CNTN5: variants seen among roughly 807,000 people sequenced by gnomAD.
The protein encoded by CNTN5 is contactin-5.
In CNTN5, 77 loss-of-function variants were observed where a neutral mutation model predicts 129.1. The ratio of observed to expected loss-of-function variants is 0.60; its 90% CI spans 0.50 to 0.72. CNTN5 has a LOEUF of 0.72. Ranked by LOEUF, CNTN5 falls within the 30% of genes least tolerant of loss-of-function variation. The pLI is 0.00. For synonymous variants in CNTN5, 509 were observed against 465.6 expected (o/e 1.09, Z -1.20); for missense variants, 1,478 against 1,328.8 (o/e 1.11, Z -1.75).
chr11:99,789,802 A>G (rs1353684241), intron 3 of CNTN5, among the ~76,000 whole-genome samples: 1 of 151,902 alleles, frequency 6.6e-6, no homozygotes, highest in Non-Finnish European at 1.5e-5. Context: ...GATTCATGGG[A>G]TATATGCGCA....
chr11:99,521,814 C>T (rs972439930), intron 2 of CNTN5, among the ~76,000 whole-genome samples: 16 of 152,246 alleles, frequency 1.1e-4, no homozygotes, highest in African/African-American at 3.9e-4. Context: ...TGGTAGGTAA[C>T]AGTTGTTTTA....
At chr11:99,168,103 C>T (rs1591304246) in intron 1 of CNTN5, among the ~76,000 whole-genome samples, 1 of 152,070 alleles carries the variant, frequency 6.6e-6, no homozygotes, top group East Asian at 1.9e-4. Context: ...CCACCATGCC[C>T]GGCTATTTTT....
chr11:99,073,710 C>A (rs1025619943), intron 1 of CNTN5, among the ~76,000 whole-genome samples: 3 of 151,968 alleles, frequency 2.0e-5, no homozygotes, highest in Non-Finnish European at 4.4e-5. Flanking sequence ...TCTTCCATGT[C>A]TCTGTGAAGG....
intron 1 of CNTN5, among the ~76,000 whole-genome samples, chr11:99,083,148 G>GT (rs1397877407): frequency 6.6e-6 from 1 of 152,068 alleles, no homozygotes; most frequent in African/African-American, 2.4e-5. Flanking sequence ...CCTGCCACCT[G>GT]TTTTTTCTTC....
chr11:99,540,844 G>T (rs1306343573), intron 2 of CNTN5, among the ~76,000 whole-genome samples: 1 of 152,056 alleles, frequency 6.6e-6, no homozygotes, highest in Non-Finnish European at 1.5e-5. Context: ...GGTATGTATG[G>T]GAAAAATATT....
rs544181414 is a variant in CNTN5, at chr11:99,316,542, G to C, written c.-209-8804G>C. Among the ~76,000 whole-genome samples, 10 of 152,168 alleles carry C rather than the reference G, an allele frequency of 6.6e-5. No individual in the cohort carries two copies. The South Asian group carries it at 2.1e-3, about 32-fold the overall frequency. On this transcript the variant is annotated intron_variant, in intron 1 of 24. Coordinates refer to ENST00000524871, the MANE Select transcript of CNTN5 (RefSeq NM_014361.4). ...TTTAGGTGTTGTATATCTCTCATAT[G>C]TTTTAATAAGTTTTCAGGTGTATTT...
At chr11:99,292,216 T>G (rs1308349667) in intron 1 of CNTN5, among the ~76,000 whole-genome samples, 1 of 148,388 alleles carries the variant, frequency 6.7e-6, no homozygotes, top group Non-Finnish European at 1.5e-5. Flanking sequence ...TGACTAGGTA[T>G]AAATAGAAAA....
chr11:99,460,515 AT>A (rs968578772), intron 2 of CNTN5, among the ~76,000 whole-genome samples: 2 of 151,906 alleles, frequency 1.3e-5, no homozygotes, highest in South Asian at 2.1e-4. Flanking sequence ...GGAATAATTC[AT>A]TTTTTTACAA....
intron 2 of CNTN5, among the ~76,000 whole-genome samples, chr11:99,437,189 C>T (rs1377237832): frequency 2.6e-5 from 4 of 152,120 alleles, no homozygotes; most frequent in Admixed American, 6.5e-5. Context: ...TGGCAAAGAG[C>T]GGTCGCTTAC....
intron 1 of CNTN5, among the ~76,000 whole-genome samples, chr11:99,098,050 A>T (rs1866558429): frequency 6.6e-6 from 1 of 152,070 alleles, no homozygotes; most frequent in African/African-American, 2.4e-5. Context: ...AAAATGTGGA[A>T]TTCTATATAT....
intron 9 of CNTN5, among the ~76,000 whole-genome samples, chr11:100,036,643 T>C (rs1449043588): frequency 2.0e-5 from 3 of 150,280 alleles, no homozygotes; most frequent in South Asian, 2.1e-4. Flanking sequence ...TTTTATTTCA[T>C]TGAGCAGTGG....
rs1952353278 is a variant in CNTN5 at position 99,656,084 on chromosome 11, GTTA to G, written c.55+99818_55+99820del. 3.9e-5 allele frequency among the ~76,000 whole-genome samples: 6 copies of G among 152,050 alleles called. No homozygotes were observed. The South Asian group carries it at 1.2e-3, about 32-fold the overall frequency. Reference sequence around the variant, plus strand: ...TGTGTACATATGTGTAAGTGTGTGTGTTATTGTGGAGCCTCTGAAGAGCTAAAT... The same window carrying G: ...TGTGTACATATGTGTAAGTGTGTGTGTTGTGGAGCCTCTGAAGAGCTAAAT... On this transcript the variant is annotated intron_variant, in intron 3 of 24. Coordinates refer to ENST00000524871, the MANE Select transcript of CNTN5 (RefSeq NM_014361.4).
chr11:99,160,818 T>A (rs964342837), intron 1 of CNTN5, among the ~76,000 whole-genome samples: 1 of 152,160 alleles, frequency 6.6e-6, no homozygotes, highest in Non-Finnish European at 1.5e-5. Context: ...GCAGTTACGT[T>A]TAAGGCAAAA....
chr11:99,334,490 A>G (rs1866137179), intron 2 of CNTN5, among the ~76,000 whole-genome samples: 1 of 152,182 alleles, frequency 6.6e-6, no homozygotes, highest in South Asian at 2.1e-4. Context: ...ACGTATAATT[A>G]TGATGTGTCA....
intron 20 of CNTN5, among the ~76,000 whole-genome samples, chr11:100,304,040 TA>T (rs1321536968): frequency 6.6e-6 from 1 of 151,584 alleles, no homozygotes; most frequent in Non-Finnish European, 1.5e-5. Flanking sequence ...GTCAGATGTA[TA>T]ATCAATATTA....
chr11:99,356,512 C>G (rs61894583), intron 2 of CNTN5, among the ~76,000 whole-genome samples: 8,779 of 152,198 alleles, frequency 0.058, 582 homozygotes, highest in East Asian at 0.19. Context: ...TCATGTATAA[C>G]CCTCCTCAAC....
At chr11:99,395,510 T>A (rs1329336185) in intron 2 of CNTN5, among the ~76,000 whole-genome samples, 4 of 152,006 alleles carry the variant, frequency 2.6e-5, no homozygotes, top group Non-Finnish European at 5.9e-5. Flanking sequence ...ATTCTGTTGA[T>A]AGTTTCTTTT....
intron 1 of CNTN5, among the ~76,000 whole-genome samples, chr11:99,213,374 G>GTATATACATATATACACGTGTATA (rs1555079594): frequency 2.9e-5 from 3 of 103,542 alleles, no homozygotes; most frequent in Non-Finnish European, 6.0e-5. Flanking sequence ...ATGTATATAT[G>GTATATACATATATACACGTGTATA]TATATACATA....
At chr11:99,247,005 G>T (rs1252630276) in intron 1 of CNTN5, among the ~76,000 whole-genome samples, 1 of 152,078 alleles carries the variant, frequency 6.6e-6, no homozygotes, top group Admixed American at 6.6e-5. Context: ...ATTGACAGAA[G>T]TTTATAGCTT....
Sources: allele counts gnomAD v4.1 joint callset (sites outside exome capture counted in the v4.1 genomes callset), GRCh38; gene constraint gnomAD v4.1.1; transcripts MANE v1.5; gene names NCBI Gene and HGNC (gene_info 2026-07-23, HGNC 2026-07-21).